UNC13C: variants seen among roughly 807,000 people sequenced by gnomAD.
UNC13C encodes unc-13 homolog C, also known as protein unc-13 homolog C.
Under a neutral mutation model 245.4 loss-of-function variants are expected in UNC13C, and 174 were observed. That is an observed-to-expected ratio of 0.71 (90% CI 0.63 to 0.80). UNC13C has a LOEUF of 0.80. UNC13C is among the 30% of genes least tolerant of loss of function. The probability of loss-of-function intolerance (pLI) is 0.00; values close to 1 mark genes in which losing one functional copy is unlikely to be tolerated. For missense variants in UNC13C, 2,829 were observed against 2,602.9 expected (o/e 1.09, Z -1.89); for synonymous variants, 992 against 895.1 (o/e 1.11, Z -1.93).
At chr15:53,889,048 CAT>C in the UNC13C span, among the ~76,000 whole-genome samples, 6 of 152,036 alleles carry the variant, frequency 3.9e-5, no homozygotes, top group African/African-American at 1.4e-4. Context: ...TTTTTGGTTC[CAT>C]ATGAAGTTTA....
At chr15:54,068,867 T>G (rs1217116859) in intron 2 of UNC13C, among the ~76,000 whole-genome samples, 1 of 152,186 alleles carries the variant, frequency 6.6e-6, no homozygotes, top group African/African-American at 2.4e-5. Flanking sequence ...TGAGTAATAT[T>G]GACAGGTCAC....
At chr15:54,019,377 T>C (rs958272420) in intron 2 of UNC13C, among the ~76,000 whole-genome samples, 1 of 152,204 alleles carries the variant, frequency 6.6e-6, no homozygotes, top group African/African-American at 2.4e-5. Flanking sequence ...GAAACCAGTA[T>C]GAATATGAAA....
intron 2 of UNC13C, among the ~76,000 whole-genome samples, chr15:54,072,580 C>T (rs553955930): frequency 6.6e-6 from 1 of 152,178 alleles, no homozygotes; most frequent in East Asian, 1.9e-4. Flanking sequence ...TTTTATCCCC[C>T]GTTTCTTTCA....
intron 18 of UNC13C, among the ~76,000 whole-genome samples, chr15:54,401,338 C>T (rs960349417): frequency 6.6e-6 from 1 of 152,054 alleles, no homozygotes; most frequent in African/African-American, 2.4e-5. Context: ...CGAAATTAAT[C>T]AGGAGTCTGA....
At chr15:53,891,801 T>C in the UNC13C span, among the ~76,000 whole-genome samples, 2 of 152,256 alleles carry the variant, frequency 1.3e-5, no homozygotes, top group African/African-American at 4.8e-5. Flanking sequence ...CGATGGGTCT[T>C]GACTGTTTAT....
rs375700929 is a variant in UNC13C at position 54,002,015 on chromosome 15, G to C, written c.-256-10633G>C. On this transcript the variant is annotated intron_variant, in intron 1 of 32. Coordinates refer to ENST00000260323, the MANE Select transcript of UNC13C (RefSeq NM_001080534.3). ...GAAATTATTCAAATCAGCCAGGCGT[G>C]GTGGCTCACGCCTGTAATCCCAACA... Among the ~76,000 whole-genome samples, 10 of 152,226 alleles carry C rather than the reference G, an allele frequency of 6.6e-5. No individual in the cohort carries two copies. In the South Asian group the frequency reaches 1.7e-3, roughly 25 times the overall value.
intron 2 of UNC13C, among the ~76,000 whole-genome samples, chr15:54,087,195 C>T (rs1227177235): frequency 6.6e-6 from 1 of 151,966 alleles, no homozygotes; most frequent in African/African-American, 2.4e-5. Context: ...CAAATAATTT[C>T]CACTCTAGAA....
chr15:54,443,651 C>T (rs1406206897), intron 19 of UNC13C, among the ~76,000 whole-genome samples: 1 of 151,960 alleles, frequency 6.6e-6, no homozygotes, highest in Non-Finnish European at 1.5e-5. Flanking sequence ...ATCTGGATTG[C>T]TTCATTGACC....
intron 19 of UNC13C, among the ~76,000 whole-genome samples, chr15:54,432,974 C>A (rs1293782460): frequency 2.0e-5 from 3 of 152,018 alleles, no homozygotes; most frequent in Non-Finnish European, 2.9e-5. Flanking sequence ...CACCTCTACA[C>A]AAATAAACTA....
intron 4 of UNC13C, among the ~76,000 whole-genome samples, chr15:54,220,686 T>C (rs2035198866): frequency 6.6e-6 from 1 of 152,046 alleles, no homozygotes; most frequent in South Asian, 2.1e-4. Flanking sequence ...GTTGTGAGTT[T>C]CATTGCCTGC....
chr15:54,264,135 C>A (rs1280024704), intron 8 of UNC13C, 33 bp from the exon 9 acceptor site: 2 of 1,545,544 alleles, frequency 1.3e-6, no homozygotes, highest in Non-Finnish European at 1.8e-6. Context: ...AATGGCATTT[C>A]CATTCACATC....
chr15:54,611,197 G>A (rs1320758872), intron 30 of UNC13C, among the ~76,000 whole-genome samples: 1 of 152,172 alleles, frequency 6.6e-6, no homozygotes, highest in African/African-American at 2.4e-5. Context: ...TATGTGCAAG[G>A]AAGGATTGTA....
intron 20 of UNC13C, 31 bp downstream of exon 20, chr15:54,494,765 A>ATTCCT: frequency 6.3e-7 from 1 of 1,598,896 alleles, no homozygotes; most frequent in Non-Finnish European, 8.5e-7. Context: ...ACACACCCTC[A>ATTCCT]GATCTAAATT....
chr15:54,356,899 T>C (rs982077681), intron 17 of UNC13C, among the ~76,000 whole-genome samples: 2 of 152,164 alleles, frequency 1.3e-5, no homozygotes, highest in African/African-American at 4.8e-5. Flanking sequence ...AAAAGGCACT[T>C]CAATGTTTAA....
intron 1 of UNC13C, among the ~76,000 whole-genome samples, chr15:53,986,029 G>C (rs1894126343): frequency 6.6e-6 from 1 of 151,948 alleles, no homozygotes; most frequent in African/African-American, 2.4e-5. Flanking sequence ...TTTTTCAATA[G>C]CCACAATTAT....
intron 4 of UNC13C, among the ~76,000 whole-genome samples, chr15:54,197,205 A>C (rs2034381678): frequency 6.6e-6 from 1 of 152,198 alleles, no homozygotes; most frequent in Non-Finnish European, 1.5e-5. Flanking sequence ...GGCTGGGCAC[A>C]GTGGCTCACG....
At chr15:54,333,032 C>T (rs2038480641) in intron 15 of UNC13C, among the ~76,000 whole-genome samples, 2 of 151,910 alleles carry the variant, frequency 1.3e-5, no homozygotes, top group Admixed American at 1.3e-4. Context: ...CTGAAGCCAC[C>T]TCATTCACCA....
At chr15:54,020,695 A>AAAGATGT (rs1383814491) in intron 2 of UNC13C, among the ~76,000 whole-genome samples, 1 of 152,186 alleles carries the variant, frequency 6.6e-6, no homozygotes, top group African/African-American at 2.4e-5. Flanking sequence ...ATAGAGCAAT[A>AAAGATGT]AAGATGTATT....
Position 54,623,925 on chromosome 15 carries a change from G to C in UNC13C, c.6330G>C (p.Trp2110Cys). 1 of 1,613,148 alleles carries C rather than the reference G, an allele frequency of 6.2e-7. No individual in the cohort carries two copies. The highest frequency in any genetic ancestry group is 8.5e-7 in the Non-Finnish European group (1 of 1,179,368). The change falls in exon 32 of 33, where the codon TGG becomes TGC. Residue 2110 changes from tryptophan (W) to cysteine (C), a missense_variant. Physicochemically the swap from Trp to Cys is radical, Grantham distance 215 (BLOSUM62 -2). Coordinates refer to ENST00000260323, the MANE Select transcript of UNC13C (RefSeq NM_001080534.3). ...KQGTKTKSNT[W>C]SPKYNETFQF... ...GCACAAAAACAAAAAGCAACACATG[G>C]TCACCAAAGTACAATGAAACATTTC...
Sources: allele counts gnomAD v4.1 joint callset (sites outside exome capture counted in the v4.1 genomes callset), GRCh38; gene constraint gnomAD v4.1.1; transcripts MANE v1.5; gene names NCBI Gene and HGNC (gene_info 2026-07-23, HGNC 2026-07-21).